RPS6KA5: variants seen among roughly 807,000 people sequenced by gnomAD.
RPS6KA5 encodes ribosomal protein S6 kinase alpha-5.
In RPS6KA5, 27 loss-of-function variants were observed where a neutral mutation model predicts 85.5. The observed-to-expected ratio is 0.32, with a 90% CI of 0.23 to 0.44. The LOEUF (loss-of-function observed/expected upper bound fraction) is 0.44, where lower values mean the gene tolerates loss of function less well. Among genes scored for constraint, RPS6KA5 ranks in the 20% least tolerant of loss-of-function variants. The pLI, the probability that RPS6KA5 is intolerant of heterozygous loss-of-function variation, is 1.00. For missense variants in RPS6KA5, 811 were observed against 980.9 expected, an observed-to-expected ratio of 0.83 and a Z score of 2.31; for synonymous variants, 334 against 348.2, an observed-to-expected ratio of 0.96 and a Z score of 0.46.
chr14:90,955,320 TGCAGTG>T (rs1320887481), intron 3 of RPS6KA5, among the ~76,000 whole-genome samples: 1 of 152,186 alleles, frequency 6.6e-6, no homozygotes, highest in East Asian at 1.9e-4. Context: ...CAGGCTGCAG[TGCAGTG>T]GTGTGATCAT....
At chr14:90,876,337 C>T (rs1286264) in intron 14 of RPS6KA5, among the ~76,000 whole-genome samples, 92,982 of 152,046 alleles carry the variant, frequency 0.61, 28,719 homozygotes, top group African/African-American at 0.7. Context: ...TGAAAAACTT[C>T]ATATAGGCCT....
At chr14:91,041,980 G>T (rs1461018565) in intron 1 of RPS6KA5, among the ~76,000 whole-genome samples, 1 of 152,088 alleles carries the variant, frequency 6.6e-6, no homozygotes, top group Non-Finnish European at 1.5e-5. Flanking sequence ...ATTTAACTTA[G>T]AAGAACTAAA....
intron 15 of RPS6KA5, among the ~76,000 whole-genome samples, chr14:90,874,806 G>A (rs1286265): frequency 0.013 from 1,996 of 152,300 alleles, 43 homozygotes; most frequent in African/African-American, 0.046. Flanking sequence ...CTCTGTGACT[G>A]GCTGCAGAAG....
intron 1 of RPS6KA5, among the ~76,000 whole-genome samples, chr14:91,014,501 C>CAAAA (rs535160742): frequency 3.0e-5 from 2 of 66,456 alleles, no homozygotes; most frequent in Admixed American, 1.6e-4. Flanking sequence ...GACTCCATCT[C>CAAAA]AAAAAAAAAA....
chr14:90,900,515 A>T, intron 10 of RPS6KA5, 96 bp downstream of exon 10: 1 of 1,272,844 alleles, frequency 7.9e-7, no homozygotes, highest in Non-Finnish European at 1.1e-6. Context: ...ATTGCACTTT[A>T]GTTGAATTAC....
chr14:90,903,968 A>G (rs1041607546), intron 8 of RPS6KA5, among the ~76,000 whole-genome samples: 1 of 145,816 alleles, frequency 6.9e-6, no homozygotes, highest in Non-Finnish European at 1.5e-5. Flanking sequence ...TTTTTTTGAG[A>G]CGGAGTCTCG....
At chr14:90,925,474 C>T (rs937875417) in intron 5 of RPS6KA5, among the ~76,000 whole-genome samples, 1 of 152,126 alleles carries the variant, frequency 6.6e-6, no homozygotes, top group Admixed American at 6.5e-5. Flanking sequence ...GATTTGAGAT[C>T]TGAATTTACT....
chr14:90,908,842 T>A (rs1483443470), intron 7 of RPS6KA5, among the ~76,000 whole-genome samples: 1 of 152,210 alleles, frequency 6.6e-6, no homozygotes, highest in African/African-American at 2.4e-5. Context: ...CTGGAAGCCA[T>A]GCTCACAGGC....
intron 1 of RPS6KA5, among the ~76,000 whole-genome samples, chr14:91,030,989 T>C (rs887428711): frequency 2.6e-5 from 4 of 152,088 alleles, no homozygotes; most frequent in Non-Finnish European, 4.4e-5. Flanking sequence ...GGAGGACTAA[T>C]TCAAAAAATA....
intron 1 of RPS6KA5, among the ~76,000 whole-genome samples, chr14:91,045,273 T>G (rs1241341091): frequency 6.6e-6 from 1 of 151,224 alleles, no homozygotes; most frequent in Non-Finnish European, 1.5e-5. Flanking sequence ...TTTTTTTTTT[T>G]TTTTTGAGAT....
chr14:90,924,886 C>G (rs985866814), intron 5 of RPS6KA5, among the ~76,000 whole-genome samples: 1 of 152,182 alleles, frequency 6.6e-6, no homozygotes, highest in East Asian at 1.9e-4. Flanking sequence ...TGAAATAATT[C>G]CTAGCTTTTA....
At chr14:90,989,238 G>C (rs544707453) in intron 2 of RPS6KA5, among the ~76,000 whole-genome samples, 2 of 152,094 alleles carry the variant, frequency 1.3e-5, no homozygotes, top group South Asian at 4.2e-4. Context: ...ATGCCAAAGG[G>C]ACTTGGGCTC....
intron 8 of RPS6KA5, among the ~76,000 whole-genome samples, chr14:90,903,972 A>C (rs1333987225): frequency 6.8e-6 from 1 of 146,502 alleles, no homozygotes; most frequent in Non-Finnish European, 1.5e-5. Flanking sequence ...TTTGAGACGG[A>C]GTCTCGCTCT....
At position 90,857,888 on chromosome 14, in the gene RPS6KA5, G is replaced by C. The variant is rs980319363; in HGVS notation, c.*14186C>G. The C allele has an allele frequency of 1.3e-5, 2 of 152,096 alleles. No homozygotes were observed. The highest frequency in any genetic ancestry group is 4.8e-5 in the African/African-American group (2 of 41,410). 9.4% of individuals were successfully genotyped at this position (152,096 alleles called of 1,614,324 possible). Reference sequence around the variant, plus strand: ...TTGCTTGTGTCTAGAGTAATACCTGGCCTGAAAGAAGTGCTCAAAAACTAT... The same window carrying C: ...TTGCTTGTGTCTAGAGTAATACCTGCCCTGAAAGAAGTGCTCAAAAACTAT... On this transcript the variant is annotated 3_prime_UTR_variant, in exon 17 of 17. Coordinates refer to ENST00000614987, the MANE Select transcript of RPS6KA5 (RefSeq NM_004755.4).
At chr14:91,027,555 A>G (rs375748177) in intron 1 of RPS6KA5, among the ~76,000 whole-genome samples, 1 of 152,198 alleles carries the variant, frequency 6.6e-6, no homozygotes, top group Non-Finnish European at 1.5e-5. Flanking sequence ...CTTTCTACAC[A>G]GGAGGTTTTA....
chr14:90,928,282 T>C (rs775327781), intron 5 of RPS6KA5, among the ~76,000 whole-genome samples: 6 of 152,224 alleles, frequency 3.9e-5, no homozygotes, highest in Non-Finnish European at 8.8e-5. Context: ...GGGATGCAGC[T>C]AGAGCTATTT....
chr14:91,030,546 T>C (rs2042143361), intron 1 of RPS6KA5, among the ~76,000 whole-genome samples: 1 of 129,130 alleles, frequency 7.7e-6, no homozygotes, highest in Non-Finnish European at 1.6e-5. Context: ...CTTATTCACA[T>C]TAACAGTCAA....
Position 90,863,326 on chromosome 14 carries a change from A to AAAAAGAAAAG in RPS6KA5, c.*8738_*8747dup, listed in dbSNP as rs1566662648. ...TCAAAAAAAAAAAAAAAAAAAAAAA[A>AAAAAGAAAAG]AAAAGAAAAGAAAAGAAAAAAATAT... is the stretch of plus-strand genomic sequence containing the variant. On this transcript the variant is annotated 3_prime_UTR_variant, in exon 17 of 17. Coordinates refer to ENST00000614987, the MANE Select transcript of RPS6KA5 (RefSeq NM_004755.4). 3 of 141,582 alleles carry AAAAAGAAAAG rather than the reference A, an allele frequency of 2.1e-5. No individual in the cohort carries two copies. Among genetic ancestry groups the AAAAAGAAAAG allele is most frequent in the African/African-American group, 8.4e-5 (3 of 35,580 alleles). The allele number at this position is 141,582 out of a possible 1,614,324, so 8.8% of individuals were successfully genotyped here.
chr14:90,894,281 T>C, intron 13 of RPS6KA5, 132 bp downstream of exon 13: 1 of 1,285,584 alleles, frequency 7.8e-7, no homozygotes, highest in South Asian at 3.2e-5. Context: ...AGAAACGTAT[T>C]TTCAATTATC....
Sources: allele counts gnomAD v4.1 joint callset (sites outside exome capture counted in the v4.1 genomes callset), GRCh38; gene constraint gnomAD v4.1.1; transcripts MANE v1.5; gene names NCBI Gene and HGNC (gene_info 2026-07-23, HGNC 2026-07-21).